Variants in TERT observed in about 807,000 individuals in gnomAD.
The protein encoded by TERT is telomerase catalytic subunit.
In TERT, 42 loss-of-function variants were observed where a neutral mutation model predicts 104.0. That is an observed-to-expected ratio of 0.40 (90% CI 0.32 to 0.52). TERT has a LOEUF of 0.52. TERT is among the 20% of genes least tolerant of loss of function. The probability of loss-of-function intolerance (pLI) is 0.43; values close to 1 mark genes in which losing one functional copy is unlikely to be tolerated. For synonymous variants in TERT, 781 were observed against 725.6 expected, an observed-to-expected ratio of 1.08 and a Z score of -1.23; for missense variants, 1,101 against 1,610.3, an observed-to-expected ratio of 0.68 and a Z score of 5.41.
At chr5:1,264,072 G>A (rs1022265719) in intron 11 of TERT, among the ~76,000 whole-genome samples, 2 of 152,210 alleles carry the variant, frequency 1.3e-5, no homozygotes, top group East Asian at 1.9e-4. Context: ...CCTGTGTTTC[G>A]GGTTTGGAGA....
Position 1,253,532 on chromosome 5 carries a change from T to G in TERT, c.*196A>C. 1.6e-6 allele frequency: 1 copy of G among 618,744 alleles called. No individual in the cohort carries two copies. The highest frequency in any genetic ancestry group is 2.9e-6 in the Non-Finnish European group (1 of 345,352). 38.3% of individuals were successfully genotyped at this position (618,744 alleles called of 1,614,324 possible). ...GTGTGCTGGACACTCAGCCCTTGGC[T>G]GGACACTCGCTCAGGCCTCAGCCGG... On this transcript the variant is annotated 3_prime_UTR_variant, in exon 16 of 16. Coordinates refer to ENST00000310581, the MANE Select transcript of TERT (RefSeq NM_198253.3).
chr5:1,292,002 C>T lies in TERT; in HGVS notation c.1573+1311G>A, dbSNP rs896973671. On this transcript the variant is annotated intron_variant, in intron 2 of 15. Transcript: ENST00000310581. The surrounding 1 kb of genome is among the most constrained non-coding windows in gnomAD (Gnocchi z 5.5). Reference sequence around the variant, plus strand: ...TTCGATGGGTAGGGACTTCCAGTCACGCAAGACGCAGCATTTCAAGCAACC... The same window carrying T: ...TTCGATGGGTAGGGACTTCCAGTCATGCAAGACGCAGCATTTCAAGCAACC... Among the ~76,000 whole-genome samples, 62 of 152,284 alleles carry T rather than the reference C, an allele frequency of 4.1e-4. No individual in the cohort carries two copies. Among genetic ancestry groups the T allele is most frequent in the African/African-American group, 1.3e-3 (56 of 41,550 alleles).
intron 11 of TERT, among the ~76,000 whole-genome samples, chr5:1,264,046 C>G (rs1211640700): frequency 7.3e-6 from 1 of 137,752 alleles, no homozygotes; most frequent in Admixed American, 6.8e-5. Flanking sequence ...CAGAGGGACT[C>G]ATGCCCAGCA....
In TERT at chr5:1,256,261, G is replaced by A. The variant is rs779948002; in HGVS notation, c.3033-850C>T. Among the ~76,000 whole-genome samples the A allele has an allele frequency of 3.9e-5, 6 of 152,052 alleles. 1 individual carries two copies. Among genetic ancestry groups the A allele is most frequent in the African/African-American group, 7.2e-5 (3 of 41,392 alleles). On this transcript the variant is annotated intron_variant, in intron 13 of 15. Coordinates refer to ENST00000310581, the MANE Select transcript of TERT (RefSeq NM_198253.3). This position sits in a 1 kb window ranked among gnomAD's most constrained non-coding sequence, Gnocchi z 7.0. The stretch of plus-strand genomic sequence containing the variant: ...ACTCCTGGGCTCAAGGGATCCTCTC[G>A]CCTCGGCCTCCCAAAGTGCTGGGAC...
In TERT at chr5:1,285,838, G is replaced by A. The variant is rs138562977; in HGVS notation, c.1574-3214C>T. Among the ~76,000 whole-genome samples, 150 of 151,994 alleles carry A rather than the reference G, an allele frequency of 9.9e-4. 4 individuals are homozygous for A. In the East Asian group the frequency reaches 0.027, roughly 27 times the overall value. On this transcript the variant is annotated intron_variant, in intron 2 of 15. Coordinates refer to ENST00000310581, the MANE Select transcript of TERT (RefSeq NM_198253.3). Reference sequence around the variant, plus strand: ...CCGCCTTGGCCTCCCAAAGTGCTGGGATTACAGGCGTGAGCCACCGCGCCC... The same window carrying A: ...CCGCCTTGGCCTCCCAAAGTGCTGGAATTACAGGCGTGAGCCACCGCGCCC...
In TERT at chr5:1,274,054, C is replaced by T. The variant is rs1479482219; in HGVS notation, c.2287-1774G>A. ...CTGCTAAGCCCCTGCGTCCCCAAGA[C>T]AGGATGTGAGCAGGCACGTGACACA... On this transcript the variant is annotated intron_variant, in intron 6 of 15. Coordinates refer to ENST00000310581, the MANE Select transcript of TERT (RefSeq NM_198253.3). The surrounding 1 kb of genome is among the most constrained non-coding windows in gnomAD (Gnocchi z 5.3). Among the ~76,000 whole-genome samples the T allele has an allele frequency of 6.6e-6, 1 of 152,230 alleles. No homozygotes were observed. The highest frequency in any genetic ancestry group is 1.9e-4 in the East Asian group (1 of 5,200).
At chr5:1,284,146 A>T (rs1481226717) in intron 2 of TERT, among the ~76,000 whole-genome samples, 212 of 54,282 alleles carry the variant, frequency 3.9e-3, no homozygotes, top group Middle Eastern at 0.04. Context: ...CCTGGCGACC[A>T]CACCCCAGAC....
chr5:1,279,492 A>C (rs1749867843), intron 4 of TERT, 22 bp from the exon 5 acceptor site: 2 of 1,547,908 alleles, frequency 1.3e-6, no homozygotes, highest in African/African-American at 2.7e-5. Flanking sequence ...AGCATGGGAG[A>C]CAGTCAGGAA....
chr5:1,262,901 G>A lies in TERT; in HGVS notation c.2843+1503C>T, dbSNP rs34714150. Among the ~76,000 whole-genome samples the A allele has an allele frequency of 1.9e-3, 288 of 152,344 alleles. 7 individuals carry two copies. The East Asian group carries it at 0.047, about 25-fold the overall frequency. ...CACTGCAGAGGTGCCTGGGAGAGGC[G>A]AAGAGGTGCTGGGAGCCCAGGAAAT... On this transcript the variant is annotated intron_variant, in intron 11 of 15. Coordinates refer to ENST00000310581, the MANE Select transcript of TERT (RefSeq NM_198253.3). This position sits in a 1 kb window ranked among gnomAD's most constrained non-coding sequence, Gnocchi z 5.6.
intron 11 of TERT, chr5:1,264,189 A>G: frequency 1.7e-6 from 1 of 597,146 alleles, no homozygotes; most frequent in Non-Finnish European, 3.0e-6. Flanking sequence ...TTACCAAAAT[A>G]GCACAGAAAA....
At position 1,294,095 on chromosome 5, in the gene TERT, C is replaced by G. The variant is rs1751203524; in HGVS notation, c.791G>C (p.Gly264Ala). 1 of 1,589,222 alleles carries G rather than the reference C, an allele frequency of 6.3e-7. No homozygotes were observed. Among genetic ancestry groups the G allele is most frequent in the African/African-American group, 1.3e-5 (1 of 74,302 alleles). ...GSWAHPGRTRGPSDRGFCVVS... is the reference protein window; with the variant it reads ...GSWAHPGRTRAPSDRGFCVVS... Reference sequence around the variant, plus strand: ...CACACAGAAACCACGGTCACTCGGTCCACGCGTCCTGCCCGGGTGGGCCCA... The same window carrying G: ...CACACAGAAACCACGGTCACTCGGTGCACGCGTCCTGCCCGGGTGGGCCCA... Residue 264 changes from glycine to alanine, a missense_variant, in exon 2 of 16, where the codon GGA becomes GCA. Coordinates refer to ENST00000310581, the MANE Select transcript of TERT (RefSeq NM_198253.3).
At chr5:1,291,353 C>T (rs1305547250) in intron 2 of TERT, among the ~76,000 whole-genome samples, 10 of 79,152 alleles carry the variant, frequency 1.3e-4, no homozygotes, top group African/African-American at 1.2e-4. Context: ...CCGGGGACCG[C>T]GCCTCACTCA....
At position 1,270,679 on chromosome 5, in the gene TERT, G is replaced by A. The variant is rs762814901; in HGVS notation, c.2468+440C>T. ...GAGAAGAGCCCGCGCCCTCGCGGGGGTCACACGACAGGGACAGGAATGAGA... is the reference window on the plus strand; with the variant it reads ...GAGAAGAGCCCGCGCCCTCGCGGGGATCACACGACAGGGACAGGAATGAGA... On this transcript the variant is annotated intron_variant, in intron 8 of 15. Coordinates refer to ENST00000310581, the MANE Select transcript of TERT (RefSeq NM_198253.3). This position sits in a 1 kb window ranked among gnomAD's most constrained non-coding sequence, Gnocchi z 8.3. Among the ~76,000 whole-genome samples, 2 of 152,240 alleles carry A rather than the reference G, an allele frequency of 1.3e-5. No individual in the cohort carries two copies. Among genetic ancestry groups the A allele is most frequent in the Non-Finnish European group, 2.9e-5 (2 of 68,048 alleles).
intron 2 of TERT, among the ~76,000 whole-genome samples, chr5:1,289,665 C>T (rs1258917464): frequency 9.8e-6 from 1 of 102,312 alleles, no homozygotes; most frequent in Non-Finnish European, 1.9e-5. Flanking sequence ...CAGGGACACC[C>T]GGGGGCCTCG....
rs1749911815 is a variant in TERT at position 1,280,071 on chromosome 5, C to T, written c.1950+87G>A. The T allele has an allele frequency of 5.8e-6, 9 of 1,550,846 alleles. No homozygotes were observed. In the East Asian group the frequency reaches 1.8e-4, roughly 31 times the overall value. The stretch of plus-strand genomic sequence containing the variant: ...CCCTGGCTGTGTCCCGTGGCCCCTC[C>T]TCCGGGCCCTTCATCTAAGCTGATA... On this transcript the variant is annotated intron_variant, in intron 4 of 15. Transcript: ENST00000310581.
At chr5:1,267,948 C>T (rs1441665441) in intron 9 of TERT, among the ~76,000 whole-genome samples, 2 of 151,780 alleles carry the variant, frequency 1.3e-5, no homozygotes, top group Non-Finnish European at 2.9e-5. Flanking sequence ...CTAACCTGCA[C>T]GTCGTGCACA....
In TERT at chr5:1,288,204, T is replaced by C. The variant is rs1265165174; in HGVS notation, c.1573+5109A>G. Among the ~76,000 whole-genome samples the C allele has an allele frequency of 6.6e-6, 1 of 152,188 alleles. No homozygotes were observed. Among genetic ancestry groups the C allele is most frequent in the Non-Finnish European group, 1.5e-5 (1 of 68,042 alleles). ...ATACTTAAAAGAAGTATTAACACTT[T>C]GAAGTATTTTAAGAACACTTGAAAG... On this transcript the variant is annotated intron_variant, in intron 2 of 15. Transcript: ENST00000310581. The surrounding 1 kb of genome is among the most constrained non-coding windows in gnomAD (Gnocchi z 5.3).
intron 5 of TERT, 82 bp from the exon 6 acceptor site, chr5:1,278,878 G>A (rs560511326): frequency 3.3e-5 from 52 of 1,584,456 alleles, no homozygotes; most frequent in African/African-American, 3.2e-4. Context: ...CTGGCCTGGC[G>A]GTGTCCCCCA....
chr5:1,284,935 C>A (rs1390712357), intron 2 of TERT, among the ~76,000 whole-genome samples: 1 of 150,118 alleles, frequency 6.7e-6, no homozygotes, highest in Non-Finnish European at 1.5e-5. Context: ...CACCGCAGGG[C>A]CTGGTGACCT....
Sources: allele counts gnomAD v4.1 joint callset (sites outside exome capture counted in the v4.1 genomes callset), GRCh38; gene constraint gnomAD v4.1.1; non-coding constraint Gnocchi (gnomAD v3.1); transcripts MANE v1.5; gene names NCBI Gene and HGNC (gene_info 2026-07-23, HGNC 2026-07-21).